USP46: variants seen among roughly 807,000 people sequenced by gnomAD.
The protein encoded by USP46 is ubiquitin specific peptidase 46, also known as ubiquitin carboxyl-terminal hydrolase 46.
A neutral mutation model predicts 44.4 loss-of-function variants in USP46; 12 were observed. The ratio of observed to expected loss-of-function variants is 0.27; its 90% CI spans 0.17 to 0.44. The LOEUF is 0.44. Among genes scored for constraint, USP46 ranks in the 20% least tolerant of loss-of-function variants. The pLI is 1.00. For missense variants in USP46, 248 were observed against 444.8 expected (o/e 0.56, Z 3.98); for synonymous variants, 155 against 161.5 (o/e 0.96, Z 0.31).
chr4:52,622,861 T>A (rs959602366), intron 4 of USP46, among the ~76,000 whole-genome samples: 1 of 152,166 alleles, frequency 6.6e-6, no homozygotes, highest in African/African-American at 2.4e-5. Flanking sequence ...CAGGAAGGGA[T>A]TTGAAAGGCT....
At chr4:52,655,982 G>A (rs771150696) in intron 1 of USP46, among the ~76,000 whole-genome samples, 6 of 152,180 alleles carry the variant, frequency 3.9e-5, no homozygotes, top group African/African-American at 7.2e-5. Flanking sequence ...TCAATCACAC[G>A]AAGTATCTGC....
intron 1 of USP46, among the ~76,000 whole-genome samples, chr4:52,638,163 C>T (rs1718184802): frequency 1.3e-5 from 2 of 152,050 alleles, no homozygotes; most frequent in Non-Finnish European, 2.9e-5. Flanking sequence ...TTGGATTATC[C>T]CAGGAGACAC....
At chr4:52,635,221 T>C (rs1468189294) in intron 1 of USP46, among the ~76,000 whole-genome samples, 1 of 152,178 alleles carries the variant, frequency 6.6e-6, no homozygotes, top group African/African-American at 2.4e-5. Context: ...AGTATATGGA[T>C]AACGGATCCA....
chr4:52,649,972 GGAGACTGGGACCCTA>G (rs1452620269), intron 1 of USP46, among the ~76,000 whole-genome samples: 1 of 152,128 alleles, frequency 6.6e-6, no homozygotes, highest in Non-Finnish European at 1.5e-5. Context: ...CAGAAACGCT[GGAGACTGGGACCCTA>G]GAAACTGCAT....
intron 1 of USP46, among the ~76,000 whole-genome samples, chr4:52,655,021 G>A (rs1381384233): frequency 1.3e-5 from 2 of 152,262 alleles, no homozygotes; most frequent in East Asian, 3.9e-4. Flanking sequence ...GACACCCAAT[G>A]GTGCAGATTT....
chr4:52,637,590 G>A (rs1431568758), intron 1 of USP46, among the ~76,000 whole-genome samples: 1 of 151,818 alleles, frequency 6.6e-6, no homozygotes, highest in Non-Finnish European at 1.5e-5. Context: ...CTGTCCTATT[G>A]CCTCACCCTC....
intron 4 of USP46, among the ~76,000 whole-genome samples, chr4:52,612,893 T>C (rs1044830750): frequency 6.6e-6 from 1 of 152,214 alleles, no homozygotes; most frequent in African/African-American, 2.4e-5. Context: ...TATGTTTTAT[T>C]TTTATATGTT....
intron 1 of USP46, among the ~76,000 whole-genome samples, chr4:52,644,884 C>T (rs1008870612): frequency 2.6e-5 from 4 of 152,024 alleles, no homozygotes; most frequent in Admixed American, 6.6e-5. Context: ...GGTGACACCC[C>T]GTCTCTACTA....
At position 52,595,559 on chromosome 4, in the gene USP46, T is replaced by C. The variant is rs1453956395; in HGVS notation, c.*2081A>G. ...TTTCTATTAAAAGGAATTACTTCGA[T>C]TAAATAACTGGGAAAAACATTTTGC... is the stretch of plus-strand genomic sequence containing the variant. On this transcript the variant is annotated 3_prime_UTR_variant, in exon 9 of 9. Transcript: ENST00000441222. The C allele has an allele frequency of 6.6e-6, 1 of 152,198 alleles. No homozygotes were observed. Among genetic ancestry groups the C allele is most frequent in the Non-Finnish European group, 1.5e-5 (1 of 68,028 alleles). The allele number at this position is 152,198 out of a possible 1,614,324, so 9.4% of individuals were successfully genotyped here. A position where few individuals can be genotyped will look rare whatever the true frequency, so the allele number is the denominator to read the frequency against.
chr4:52,609,228 A>G (rs921388697), intron 5 of USP46, among the ~76,000 whole-genome samples: 1 of 152,184 alleles, frequency 6.6e-6, no homozygotes, highest in African/African-American at 2.4e-5. Flanking sequence ...AAGTTCAGTC[A>G]CCAACTAAAA....
At chr4:52,619,814 A>G (rs926463395) in intron 4 of USP46, among the ~76,000 whole-genome samples, 6 of 152,112 alleles carry the variant, frequency 3.9e-5, no homozygotes, top group East Asian at 3.8e-4. Context: ...GCACTGGTAG[A>G]AAAAAAAGAT....
chr4:52,635,073 ACTT>A (rs1490517371), intron 1 of USP46, among the ~76,000 whole-genome samples: 61 of 145,200 alleles, frequency 4.2e-4, no homozygotes, highest in Middle Eastern at 3.6e-3. Flanking sequence ...GGCTGCTTCT[ACTT>A]CTTCTTTTTT....
chr4:52,642,192 C>T (rs190979714), intron 1 of USP46, among the ~76,000 whole-genome samples: 25 of 152,246 alleles, frequency 1.6e-4, no homozygotes, highest in African/African-American at 5.5e-4. Context: ...TTATGGCTAC[C>T]GATGCCTCTG....
At chr4:52,629,729 T>G in intron 2 of USP46, 1 of 456,246 alleles carries the variant, frequency 2.2e-6, no homozygotes, top group Non-Finnish European at 4.4e-6. Flanking sequence ...GTCCACAGTA[T>G]GTCTCAGCTT....
chr4:52,654,539 T>C (rs900012023), intron 1 of USP46, among the ~76,000 whole-genome samples: 38 of 152,338 alleles, frequency 2.5e-4, no homozygotes, highest in African/African-American at 8.7e-4. Flanking sequence ...ATTTATATGA[T>C]ACATTTTTAT....
chr4:52,610,501 A>G, intron 5 of USP46, 40 bp downstream of exon 5: 1 of 1,576,870 alleles, frequency 6.3e-7, no homozygotes, highest in Non-Finnish European at 8.7e-7. Flanking sequence ...CTTAGTTACA[A>G]GCCTGATCAA....
At chr4:52,599,456 C>T (rs73152450) in intron 7 of USP46, among the ~76,000 whole-genome samples, 340 of 151,974 alleles carry the variant, frequency 2.2e-3, no homozygotes, top group African/African-American at 7.7e-3. Flanking sequence ...GAGGGGCAGG[C>T]GCAGTAGAAG....
chr4:52,656,655 G>C lies in USP46; in HGVS notation c.36+2460C>G. 4.2e-6 allele frequency: 4 copies of C among 960,700 alleles called. No homozygotes were observed. In the African/African-American group the frequency reaches 5.1e-5, roughly 12 times the overall value. 59.5% of individuals were successfully genotyped at this position (960,700 alleles called of 1,614,324 possible). A position where few individuals can be genotyped will look rare whatever the true frequency, so the allele number is the denominator to read the frequency against. On this transcript the variant is annotated intron_variant, in intron 1 of 8. Coordinates refer to ENST00000441222, the MANE Select transcript of USP46 (RefSeq NM_022832.4). ...TAGCCATGTACCAGGCCCTGTGCCC[G>C]AGTAATACAACAATATTAACATCAC...
At chr4:52,603,996 A>G (rs1178444466) in intron 6 of USP46, among the ~76,000 whole-genome samples, 2 of 152,106 alleles carry the variant, frequency 1.3e-5, no homozygotes, top group African/African-American at 4.8e-5. Context: ...CTAATCACCT[A>G]TTCTTATAAC....
Sources: allele counts gnomAD v4.1 joint callset (sites outside exome capture counted in the v4.1 genomes callset), GRCh38; gene constraint gnomAD v4.1.1; transcripts MANE v1.5; gene names NCBI Gene and HGNC (gene_info 2026-07-23, HGNC 2026-07-21).